Variants in XRCC4 observed in about 807,000 individuals in gnomAD.
The protein encoded by XRCC4 is X-ray repair cross complementing 4, also known as DNA repair protein XRCC4.
XRCC4 carries 28 observed loss-of-function variants against 39.1 expected under a neutral mutation model. The ratio of observed to expected loss-of-function variants is 0.72; its 90% CI spans 0.53 to 0.98. The LOEUF (loss-of-function observed/expected upper bound fraction) is 0.98. Ranked by LOEUF, XRCC4 falls within the 50% of genes least tolerant of loss-of-function variation. XRCC4 has a pLI of 0.00. For synonymous variants in XRCC4, 123 were observed against 126.4 expected, an observed-to-expected ratio of 0.97 and a Z score of 0.18; for missense variants, 350 against 376.4, an observed-to-expected ratio of 0.93 and a Z score of 0.58.
At chr5:83,310,894 A>G in intron 7 of XRCC4, 1 of 456,018 alleles carries the variant, frequency 2.2e-6, no homozygotes. Flanking sequence ...ACGTGAGCCA[A>G]CAGATCCAAG....
chr5:83,222,584 T>G (rs1259107026), intron 6 of XRCC4, among the ~76,000 whole-genome samples: 2 of 152,178 alleles, frequency 1.3e-5, no homozygotes, highest in African/African-American at 4.8e-5. Flanking sequence ...CTTAATTTCT[T>G]TATTGGCCAA....
At chr5:83,108,784 A>T (rs1230222829) in intron 2 of XRCC4, among the ~76,000 whole-genome samples, 2 of 151,530 alleles carry the variant, frequency 1.3e-5, no homozygotes, top group Non-Finnish European at 1.5e-5. Context: ...AAAGTTAGAT[A>T]GTTACTTTTT....
rs947160569 is a variant in XRCC4, at chr5:83,140,826, T to G, written c.315+29623T>G. Among the ~76,000 whole-genome samples, 6 of 152,298 alleles carry G rather than the reference T, an allele frequency of 3.9e-5. No individual in the cohort carries two copies. In the South Asian group the frequency reaches 1.2e-3, roughly 32 times the overall value. On this transcript the variant is annotated intron_variant, in intron 3 of 7. Coordinates refer to ENST00000396027, the MANE Select transcript of XRCC4 (RefSeq NM_003401.5). ...TATTGATTAATTATTTACTTTTGGGTATGTGAACAATTACAAAAAATCAGA... is the reference window on the plus strand; with the variant it reads ...TATTGATTAATTATTTACTTTTGGGGATGTGAACAATTACAAAAAATCAGA...
chr5:83,325,729 T>C (rs536332886), intron 7 of XRCC4, among the ~76,000 whole-genome samples: 13 of 152,302 alleles, frequency 8.5e-5, no homozygotes, highest in Non-Finnish European at 1.6e-4. Flanking sequence ...TTTAGGTTGA[T>C]TCCATGTCTT....
At chr5:83,346,194 A>T (rs892981382) in intron 7 of XRCC4, among the ~76,000 whole-genome samples, 3 of 152,160 alleles carry the variant, frequency 2.0e-5, no homozygotes, top group Non-Finnish European at 2.9e-5. Flanking sequence ...TTATTCCACA[A>T]ATATTTCTTG....
At chr5:83,140,065 TC>T (rs1321355873) in intron 3 of XRCC4, among the ~76,000 whole-genome samples, 3 of 152,218 alleles carry the variant, frequency 2.0e-5, no homozygotes, top group Non-Finnish European at 4.4e-5. Flanking sequence ...TCACTTATTT[TC>T]TCAGTCCTAG....
Position 83,337,459 on chromosome 5 carries a change from G to A in XRCC4, c.894-15672G>A, listed in dbSNP as rs189327583. Among the ~76,000 whole-genome samples the A allele has an allele frequency of 2.6e-5, 4 of 152,246 alleles. No individual in the cohort carries two copies. In the East Asian group the frequency reaches 7.7e-4, roughly 29 times the overall value. ...AACTTTGTGCTTAGAGCCCCAAGTT[G>A]TTATATGTCAGACTACCTGAGACTT... On this transcript the variant is annotated intron_variant, in intron 7 of 7. Coordinates refer to ENST00000396027, the MANE Select transcript of XRCC4 (RefSeq NM_003401.5).
chr5:83,128,635 G>T (rs1054431143), intron 3 of XRCC4, among the ~76,000 whole-genome samples: 2 of 152,156 alleles, frequency 1.3e-5, no homozygotes, highest in Non-Finnish European at 1.5e-5. Flanking sequence ...TCCAGCACCT[G>T]TTGTTTCCTG....
chr5:83,316,363 A>G (rs1022989909), intron 7 of XRCC4, among the ~76,000 whole-genome samples: 3 of 152,066 alleles, frequency 2.0e-5, no homozygotes, highest in Admixed American at 6.6e-5. Context: ...TATTAACTTT[A>G]AATATAAATG....
chr5:83,227,221 GT>G (rs1752324332), intron 6 of XRCC4, among the ~76,000 whole-genome samples: 1 of 151,980 alleles, frequency 6.6e-6, no homozygotes, highest in South Asian at 2.1e-4. Flanking sequence ...CCACTCCGTT[GT>G]CAGATACTTA....
chr5:83,372,028 G>C, the XRCC4 span, among the ~76,000 whole-genome samples: 1 of 152,166 alleles, frequency 6.6e-6, no homozygotes, highest in Non-Finnish European at 1.5e-5. Flanking sequence ...GGTAGATTTT[G>C]TTGGCCTGTT....
chr5:83,346,729 T>C (rs1390890583), intron 7 of XRCC4, among the ~76,000 whole-genome samples: 1 of 152,132 alleles, frequency 6.6e-6, no homozygotes, highest in African/African-American at 2.4e-5. Flanking sequence ...AAGTATAAGA[T>C]ACAGATATTA....
intron 7 of XRCC4, among the ~76,000 whole-genome samples, chr5:83,333,173 A>G (rs535834321): frequency 7.6e-4 from 115 of 152,154 alleles, no homozygotes; most frequent in Middle Eastern, 3.4e-3. Context: ...TAAAACTTCT[A>G]ATGGAACTCT....
intron 6 of XRCC4, among the ~76,000 whole-genome samples, chr5:83,209,693 A>T (rs1031296262): frequency 6.6e-6 from 1 of 152,058 alleles, no homozygotes; most frequent in African/African-American, 2.4e-5. Context: ...AATTATTTTA[A>T]TATATAATCA....
intron 3 of XRCC4, among the ~76,000 whole-genome samples, chr5:83,163,007 T>G (rs1478042965): frequency 6.7e-6 from 1 of 149,904 alleles, no homozygotes; most frequent in African/African-American, 2.5e-5. Flanking sequence ...TGGAGTGCAG[T>G]GGTGTGATCT....
intron 3 of XRCC4, among the ~76,000 whole-genome samples, chr5:83,194,906 T>C (rs1404555201): frequency 6.6e-6 from 1 of 152,226 alleles, no homozygotes; most frequent in Non-Finnish European, 1.5e-5. Context: ...ATGATAATAG[T>C]TCTCTTACGG....
chr5:83,257,780 A>T (rs895080972), intron 6 of XRCC4, among the ~76,000 whole-genome samples: 1 of 152,226 alleles, frequency 6.6e-6, no homozygotes, highest in African/African-American at 2.4e-5. Flanking sequence ...AAGACTTGGA[A>T]CCAACCGAAA....
At chr5:83,139,429 T>A (rs993759889) in intron 3 of XRCC4, among the ~76,000 whole-genome samples, 4 of 152,216 alleles carry the variant, frequency 2.6e-5, no homozygotes, top group African/African-American at 9.6e-5. Context: ...GTTTGCTAGG[T>A]TTTGCTAATT....
intron 3 of XRCC4, among the ~76,000 whole-genome samples, chr5:83,117,686 T>C (rs1055885770): frequency 1.3e-5 from 2 of 150,986 alleles, no homozygotes; most frequent in Non-Finnish European, 2.9e-5. Context: ...TGTATGTATA[T>C]GTATGTATAT....
Sources: allele counts gnomAD v4.1 joint callset (sites outside exome capture counted in the v4.1 genomes callset), GRCh38; gene constraint gnomAD v4.1.1; transcripts MANE v1.5; gene names NCBI Gene and HGNC (gene_info 2026-07-23, HGNC 2026-07-21).